KAT2B: variants seen among roughly 807,000 people sequenced by gnomAD.
The protein encoded by KAT2B is lysine acetyltransferase 2B.
In KAT2B, 36 loss-of-function variants were observed where a neutral mutation model predicts 105.9. The ratio of observed to expected loss-of-function variants is 0.34; its 90% CI spans 0.26 to 0.45. KAT2B has a LOEUF of 0.45. Among genes scored for constraint, KAT2B ranks in the 20% least tolerant of loss-of-function variants. KAT2B has a pLI of 1.00. For missense variants in KAT2B, 820 were observed against 1,021.6 expected (o/e 0.80, Z 2.69); for synonymous variants, 397 against 377.9 (o/e 1.05, Z -0.59).
At chr3:20,057,273 G>A (rs1698017797) in intron 1 of KAT2B, among the ~76,000 whole-genome samples, 2 of 152,182 alleles carry the variant, frequency 1.3e-5, no homozygotes, top group African/African-American at 4.8e-5. Flanking sequence ...TTGTAAAACT[G>A]ACTGGGCAGA....
chr3:20,080,665 C>G (rs1698502778), intron 2 of KAT2B, among the ~76,000 whole-genome samples: 1 of 152,212 alleles, frequency 6.6e-6, no homozygotes, highest in Non-Finnish European at 1.5e-5. Flanking sequence ...AGTTTATAAT[C>G]TATACCTGCT....
intron 1 of KAT2B, among the ~76,000 whole-genome samples, chr3:20,053,821 T>C (rs1027645747): frequency 2.0e-5 from 3 of 152,068 alleles, no homozygotes; most frequent in African/African-American, 7.2e-5. Context: ...TTTTTTGAGA[T>C]GGAGTCTCAC....
intron 2 of KAT2B, among the ~76,000 whole-genome samples, chr3:20,094,198 T>A (rs1381910019): frequency 1.3e-5 from 2 of 152,120 alleles, no homozygotes; most frequent in Admixed American, 6.6e-5. Flanking sequence ...GCCTCAGGAA[T>A]CTTACAATCA....
chr3:20,085,487 A>G (rs955207379), intron 2 of KAT2B, among the ~76,000 whole-genome samples: 2 of 151,314 alleles, frequency 1.3e-5, no homozygotes, highest in Non-Finnish European at 2.9e-5. Flanking sequence ...ACACACACAC[A>G]TAATTTTTCT....
chr3:20,130,250 C>T (rs1214421035), intron 11 of KAT2B, among the ~76,000 whole-genome samples: 1 of 152,224 alleles, frequency 6.6e-6, no homozygotes, highest in Non-Finnish European at 1.5e-5. Flanking sequence ...TGCAATTCAG[C>T]AGTCTTACAT....
At chr3:20,102,007 A>G (rs1344052799) in intron 5 of KAT2B, among the ~76,000 whole-genome samples, 3 of 152,156 alleles carry the variant, frequency 2.0e-5, no homozygotes, top group East Asian at 1.9e-4. Flanking sequence ...TGCAATGACC[A>G]TATAATGAAG....
At chr3:20,147,892 T>C in intron 14 of KAT2B, 71 bp from the exon 15 acceptor site, 2 of 1,418,098 alleles carry the variant, frequency 1.4e-6, no homozygotes. Context: ...TTGTTTTTGA[T>C]AAGTATTAAC....
At position 20,044,703 on chromosome 3, in the gene KAT2B, C is replaced by T. The variant is rs575077599; in HGVS notation, c.303+3923C>T. Among the ~76,000 whole-genome samples the T allele has an allele frequency of 2.0e-5, 3 of 152,276 alleles. No individual in the cohort carries two copies. The South Asian group carries it at 6.2e-4, about 32-fold the overall frequency. ...TTCCTATAGAACTCAGATTCCTTGCCTTTCCTTTACCCCCCTGAGCAGCCT... is the reference window on the plus strand; with the variant it reads ...TTCCTATAGAACTCAGATTCCTTGCTTTTCCTTTACCCCCCTGAGCAGCCT... On this transcript the variant is annotated intron_variant, in intron 1 of 17. Transcript: ENST00000263754.
At chr3:20,104,948 G>A (rs1182825808) in intron 5 of KAT2B, among the ~76,000 whole-genome samples, 3 of 150,172 alleles carry the variant, frequency 2.0e-5, no homozygotes, top group Non-Finnish European at 3.0e-5. Flanking sequence ...GTGCAGTGGC[G>A]CGACTCAGCT....
At chr3:20,041,905 T>C (rs889806678) in intron 1 of KAT2B, among the ~76,000 whole-genome samples, 10 of 152,230 alleles carry the variant, frequency 6.6e-5, no homozygotes, top group African/African-American at 2.4e-4. Flanking sequence ...ATACTCTTCT[T>C]GGTACTTGCA....
At chr3:20,055,741 G>A (rs1210509546) in intron 1 of KAT2B, among the ~76,000 whole-genome samples, 1 of 152,106 alleles carries the variant, frequency 6.6e-6, no homozygotes, top group Non-Finnish European at 1.5e-5. Context: ...GTTCTGATAC[G>A]TTTCAACAAA....
intron 1 of KAT2B, among the ~76,000 whole-genome samples, chr3:20,059,274 G>T (rs1010149335): frequency 6.6e-6 from 1 of 151,814 alleles, no homozygotes; most frequent in African/African-American, 2.4e-5. Context: ...TTAGCCAGGC[G>T]TGGTGGCATG....
In KAT2B at chr3:20,096,268, G is replaced by A. The variant is rs151134356; in HGVS notation, c.576+860G>A. Among the ~76,000 whole-genome samples the A allele has an allele frequency of 2.4e-3, 369 of 152,202 alleles. 1 individual carries two copies. The highest frequency in any genetic ancestry group is 8.6e-3 in the African/African-American group (356 of 41,508). On this transcript the variant is annotated intron_variant, in intron 3 of 17. Coordinates refer to ENST00000263754, the MANE Select transcript of KAT2B (RefSeq NM_003884.5). ...TCACCGATTACTGCTGCCATTCCCC[G>A]TAGCTGCCTCTTCACTAGTTCTACC...
chr3:20,132,382 A>G (rs1699526736), intron 11 of KAT2B, among the ~76,000 whole-genome samples: 1 of 152,228 alleles, frequency 6.6e-6, no homozygotes, highest in African/African-American at 2.4e-5. Context: ...TCAAAAGAAA[A>G]AAATATTGAA....
intron 2 of KAT2B, among the ~76,000 whole-genome samples, chr3:20,087,362 T>C (rs1014438251): frequency 1.3e-5 from 2 of 152,268 alleles, no homozygotes; most frequent in Admixed American, 1.3e-4. Context: ...TAATTTATTT[T>C]TTTCGGTTTT....
At chr3:20,142,451 A>G (rs572252583) in intron 13 of KAT2B, among the ~76,000 whole-genome samples, 2 of 152,334 alleles carry the variant, frequency 1.3e-5, no homozygotes, top group Non-Finnish European at 2.9e-5. Flanking sequence ...CCAACTGTGA[A>G]AAACCCCTCA....
At chr3:20,126,544 C>T (rs1421086121) in intron 10 of KAT2B, among the ~76,000 whole-genome samples, 4 of 151,322 alleles carry the variant, frequency 2.6e-5, no homozygotes, top group African/African-American at 4.8e-5. Flanking sequence ...AAAACTAGGC[C>T]GGGCATGGTG....
chr3:20,116,530 T>C (rs1699209641), intron 7 of KAT2B, among the ~76,000 whole-genome samples: 1 of 152,162 alleles, frequency 6.6e-6, no homozygotes, highest in Non-Finnish European at 1.5e-5. Flanking sequence ...GGCCTGGACA[T>C]TGGGACTTTT....
chr3:20,121,691 C>CTATA (rs10652579), intron 8 of KAT2B, among the ~76,000 whole-genome samples: 56 of 145,852 alleles, frequency 3.8e-4, no homozygotes, highest in African/African-American at 1.3e-3. Flanking sequence ...AAATATATAG[C>CTATA]TATATATACA....
Sources: allele counts gnomAD v4.1 joint callset (sites outside exome capture counted in the v4.1 genomes callset), GRCh38; gene constraint gnomAD v4.1.1; transcripts MANE v1.5; gene names NCBI Gene and HGNC (gene_info 2026-07-23, HGNC 2026-07-21).